MAGI3: variants seen among roughly 807,000 people sequenced by gnomAD.
MAGI3 encodes the protein membrane-associated guanylate kinase, WW and PDZ domain-containing protein 3.
MAGI3 carries 43 observed loss-of-function variants against 121.8 expected under a neutral mutation model. The observed-to-expected ratio is 0.35, with a 90% CI of 0.28 to 0.46. MAGI3 has a LOEUF of 0.46. MAGI3 is among the 20% of genes least tolerant of loss of function. The probability of loss-of-function intolerance (pLI) is 1.00; values close to 1 mark genes in which losing one functional copy is unlikely to be tolerated. For synonymous variants in MAGI3, 553 were observed against 639.3 expected (o/e 0.86, Z 2.04); for missense variants, 1,547 against 1,797.3 (o/e 0.86, Z 2.52).
intron 1 of MAGI3, among the ~76,000 whole-genome samples, chr1:113,441,680 A>G (rs1653921441): frequency 1.3e-5 from 2 of 152,174 alleles, no homozygotes; most frequent in Non-Finnish European, 2.9e-5. Flanking sequence ...GTACCTTGAT[A>G]GGATGCTAGA....
At chr1:113,660,735 G>A (rs555873946) in intron 16 of MAGI3, among the ~76,000 whole-genome samples, 11 of 149,278 alleles carry the variant, frequency 7.4e-5, no homozygotes, top group East Asian at 5.9e-4. Flanking sequence ...TGACCTCAGC[G>A]TCCTGAGTAG....
chr1:113,623,241 T>G (rs914794872), intron 9 of MAGI3, among the ~76,000 whole-genome samples: 6 of 151,886 alleles, frequency 4.0e-5, no homozygotes, highest in Non-Finnish European at 1.5e-5. Context: ...AATAACCACA[T>G]CATAGAAAAT....
chr1:113,395,837 G>A (rs1651083042), intron 1 of MAGI3, among the ~76,000 whole-genome samples: 1 of 151,664 alleles, frequency 6.6e-6, no homozygotes, highest in Non-Finnish European at 1.5e-5. Context: ...TTAATTTCTT[G>A]CTATCTTACT....
intron 1 of MAGI3, among the ~76,000 whole-genome samples, chr1:113,543,320 T>C (rs1264570952): frequency 2.0e-5 from 3 of 152,230 alleles, no homozygotes; most frequent in Non-Finnish European, 4.4e-5. Context: ...AATTGACATA[T>C]AAACTATAAT....
At position 113,451,744 on chromosome 1, in the gene MAGI3, T is replaced by A. The variant is rs115015256; in HGVS notation, c.316+60395T>A. Among the ~76,000 whole-genome samples the A allele has an allele frequency of 3.6e-3, 555 of 152,322 alleles. 4 individuals are homozygous for A. The highest frequency in any genetic ancestry group is 0.013 in the African/African-American group (532 of 41,588). On this transcript the variant is annotated intron_variant, in intron 1 of 20. Coordinates refer to ENST00000307546, the MANE Select transcript of MAGI3 (RefSeq NM_001142782.2). ...TCCCAACTATTAACAATTTCATCTGTGCAGTGGTTTTTATTCTGCAACATT... is the reference window on the plus strand; with the variant it reads ...TCCCAACTATTAACAATTTCATCTGAGCAGTGGTTTTTATTCTGCAACATT...
intron 2 of MAGI3, among the ~76,000 whole-genome samples, chr1:113,562,029 G>GAATAA (rs1268928028): frequency 5.3e-5 from 8 of 151,902 alleles, no homozygotes; most frequent in African/African-American, 1.7e-4. Flanking sequence ...CCATAAAAAA[G>GAATAA]AATAAAATAC....
intron 1 of MAGI3, among the ~76,000 whole-genome samples, chr1:113,496,077 T>C (rs913406920): frequency 6.6e-6 from 1 of 152,214 alleles, no homozygotes; most frequent in Non-Finnish European, 1.5e-5. Flanking sequence ...TTTGTTTATC[T>C]TTTATTTTTA....
intron 1 of MAGI3, among the ~76,000 whole-genome samples, chr1:113,497,394 C>T (rs1656980252): frequency 9.1e-6 from 1 of 109,340 alleles, no homozygotes; most frequent in Non-Finnish European, 1.9e-5. Context: ...GGCATTGCCT[C>T]ACCTGGGAAG....
At chr1:113,394,977 C>T (rs187022133) in intron 1 of MAGI3, among the ~76,000 whole-genome samples, 7 of 151,684 alleles carry the variant, frequency 4.6e-5, no homozygotes, top group South Asian at 2.1e-4. Context: ...CCTAGAAATA[C>T]ACTTCCTGTT....
At chr1:113,394,216 G>A (rs1305649176) in intron 1 of MAGI3, among the ~76,000 whole-genome samples, 1 of 151,570 alleles carries the variant, frequency 6.6e-6, no homozygotes, top group Non-Finnish European at 1.5e-5. Context: ...CTTTAATAGA[G>A]AATTGAAAGT....
chr1:113,682,224 C>G lies in MAGI3; in HGVS notation c.3329-673C>G, dbSNP rs957361582. 5.0e-6 allele frequency: 8 copies of G among 1,606,182 alleles called. No individual in the cohort carries two copies. The Admixed American group carries it at 5.1e-5, about 10-fold the overall frequency. On this transcript the variant is annotated intron_variant, in intron 20 of 20. Coordinates refer to ENST00000307546, the MANE Select transcript of MAGI3 (RefSeq NM_001142782.2). Reference sequence around the variant, plus strand: ...CTTCCCTCTTCAGGTTTGGCTCCTTCCGGTCTGTGCTCCTACGTGAAACCC... The same window carrying G: ...CTTCCCTCTTCAGGTTTGGCTCCTTGCGGTCTGTGCTCCTACGTGAAACCC...
chr1:113,682,297 G>T (rs199945950), intron 20 of MAGI3: 2 of 1,585,818 alleles, frequency 1.3e-6, no homozygotes, highest in East Asian at 4.5e-5. Flanking sequence ...TCCTTAAAAA[G>T]ACTTGGTAAA....
At chr1:113,655,310 A>G (rs182121515) in intron 15 of MAGI3, among the ~76,000 whole-genome samples, 30 of 152,318 alleles carry the variant, frequency 2.0e-4, no homozygotes, top group African/African-American at 7.0e-4. Flanking sequence ...GTATTACTCT[A>G]GTAGATAGAT....
intron 2 of MAGI3, among the ~76,000 whole-genome samples, chr1:113,565,768 C>T (rs1479450090): frequency 6.6e-6 from 1 of 152,146 alleles, no homozygotes; most frequent in Non-Finnish European, 1.5e-5. Flanking sequence ...GAAAGACCCA[C>T]CACTAGCAGA....
intron 9 of MAGI3, among the ~76,000 whole-genome samples, chr1:113,628,651 C>A (rs200415036): frequency 1.3e-5 from 2 of 152,268 alleles, no homozygotes; most frequent in South Asian, 4.1e-4. Flanking sequence ...GTCTTTATTT[C>A]TCCTTCATGC....
chr1:113,460,278 A>G (rs1172647334), intron 1 of MAGI3, among the ~76,000 whole-genome samples: 2 of 152,224 alleles, frequency 1.3e-5, no homozygotes, highest in African/African-American at 4.8e-5. Context: ...ACCTCAAAAT[A>G]ATAAGAGCCA....
In MAGI3 at chr1:113,644,593, C is replaced by G. The variant is rs547482288; in HGVS notation, c.1998+819C>G. Among the ~76,000 whole-genome samples, 181 of 152,266 alleles carry G rather than the reference C, an allele frequency of 1.2e-3. 1 individual carries two copies. Among genetic ancestry groups the G allele is most frequent in the African/African-American group, 4.2e-3 (173 of 41,554 alleles). The stretch of plus-strand genomic sequence containing the variant: ...ACCACGTCCGGCTGACTAAACAAGA[C>G]TTTCTAGAGTAATTGTGGCCTTCTA... On this transcript the variant is annotated intron_variant, in intron 11 of 20. Transcript: ENST00000307546.
At chr1:113,657,512 A>C (rs185327674) in intron 15 of MAGI3, among the ~76,000 whole-genome samples, 5 of 152,314 alleles carry the variant, frequency 3.3e-5, no homozygotes, top group Admixed American at 3.3e-4. Context: ...AATTCTATTT[A>C]ATGCTTTCCC....
intron 2 of MAGI3, among the ~76,000 whole-genome samples, chr1:113,556,857 C>T (rs761857140): frequency 4.6e-5 from 7 of 152,152 alleles, no homozygotes; most frequent in Non-Finnish European, 7.4e-5. Flanking sequence ...TGAGGCCCCA[C>T]ACCCGGCCTA....
Sources: allele counts gnomAD v4.1 joint callset (sites outside exome capture counted in the v4.1 genomes callset), GRCh38; gene constraint gnomAD v4.1.1; transcripts MANE v1.5; gene names NCBI Gene and HGNC (gene_info 2026-07-23, HGNC 2026-07-21).